The following CCDC85A variants were observed in gnomAD, a reference collection of about 807,000 sequenced individuals.
CCDC85A encodes the protein coiled-coil domain containing 85A.
In CCDC85A, 38 loss-of-function variants were observed where a neutral mutation model predicts 50.2. That is an observed-to-expected ratio of 0.76 (90% CI 0.58 to 0.99). The LOEUF (loss-of-function observed/expected upper bound fraction) is 0.99, where lower values mean the gene tolerates loss of function less well. CCDC85A is among the 50% of genes least tolerant of loss of function. CCDC85A has a pLI of 0.00. For missense variants in CCDC85A, 820 were observed against 742.0 expected (o/e 1.11, Z -1.22); for synonymous variants, 366 against 301.4 (o/e 1.21, Z -2.22).
intron 2 of CCDC85A, among the ~76,000 whole-genome samples, chr2:56,277,139 A>G (rs1670987765): frequency 6.6e-6 from 1 of 152,140 alleles, no homozygotes; most frequent in East Asian, 1.9e-4. Context: ...CAGCAGCTTA[A>G]ATGAGGAAGC....
intron 1 of CCDC85A, among the ~76,000 whole-genome samples, chr2:56,186,213 G>T (rs1676040131): frequency 6.6e-6 from 1 of 152,134 alleles, no homozygotes; most frequent in Non-Finnish European, 1.5e-5. Context: ...CTCTCCTGTG[G>T]TTGAATTCAT....
intron 2 of CCDC85A, among the ~76,000 whole-genome samples, chr2:56,297,146 G>A (rs1295117596): frequency 3.3e-5 from 5 of 152,188 alleles, no homozygotes; most frequent in South Asian, 2.1e-4. Context: ...AGAGGTGGGG[G>A]CATGTGTCTG....
At chr2:56,309,165 G>A (rs573740807) in intron 2 of CCDC85A, among the ~76,000 whole-genome samples, 3 of 152,154 alleles carry the variant, frequency 2.0e-5, no homozygotes, top group South Asian at 2.1e-4. Flanking sequence ...AAGAAGGATA[G>A]CCATCTATAG....
chr2:56,188,896 AAG>A (rs1329966184), intron 1 of CCDC85A, among the ~76,000 whole-genome samples: 2 of 152,224 alleles, frequency 1.3e-5, no homozygotes, highest in Non-Finnish European at 2.9e-5. Flanking sequence ...TATTCAAAGA[AAG>A]ACTTTTGGAA....
intron 2 of CCDC85A, among the ~76,000 whole-genome samples, chr2:56,205,445 C>T (rs1676921618): frequency 6.6e-6 from 1 of 152,136 alleles, no homozygotes; most frequent in African/African-American, 2.4e-5. Context: ...AGGGCAAAAT[C>T]TATGGCAATT....
At chr2:56,262,015 A>G (rs1368543231) in intron 2 of CCDC85A, among the ~76,000 whole-genome samples, 5 of 152,142 alleles carry the variant, frequency 3.3e-5, no homozygotes, top group East Asian at 1.9e-4. Context: ...CATTCATCCA[A>G]TAAGTAGTGA....
At chr2:56,337,946 G>A (rs992154931) in intron 2 of CCDC85A, among the ~76,000 whole-genome samples, 3 of 151,766 alleles carry the variant, frequency 2.0e-5, no homozygotes, top group African/African-American at 4.8e-5. Flanking sequence ...CACCATGCCC[G>A]GCTAATTTTT....
chr2:56,331,369 G>A (rs1472575422), intron 2 of CCDC85A, among the ~76,000 whole-genome samples: 1 of 152,094 alleles, frequency 6.6e-6, no homozygotes, highest in Non-Finnish European at 1.5e-5. Context: ...TAAGCTCCAC[G>A]TTCTGCACAT....
chr2:56,249,918 G>A (rs899134478), intron 2 of CCDC85A, among the ~76,000 whole-genome samples: 6 of 152,142 alleles, frequency 3.9e-5, no homozygotes, highest in African/African-American at 1.4e-4. Context: ...AACATTGCCA[G>A]GCCCTGCCAT....
At chr2:56,259,922 T>C (rs550000699) in intron 2 of CCDC85A, among the ~76,000 whole-genome samples, 2 of 152,318 alleles carry the variant, frequency 1.3e-5, no homozygotes, top group East Asian at 3.9e-4. Context: ...TGGATCATCT[T>C]CACCAAACTC....
intron 5 of CCDC85A, among the ~76,000 whole-genome samples, chr2:56,382,803 G>C (rs1676652047): frequency 6.6e-6 from 1 of 152,006 alleles, no homozygotes. Context: ...GTTGTAACCA[G>C]CTAGTGCTGG....
chr2:56,371,124 G>A (rs879331866), intron 3 of CCDC85A, among the ~76,000 whole-genome samples: 3 of 152,062 alleles, frequency 2.0e-5, no homozygotes, highest in Non-Finnish European at 4.4e-5. Context: ...TTGCTATGAT[G>A]AAATTATCAT....
Position 56,278,932 on chromosome 2 carries a change from G to A in CCDC85A, c.1241-63947G>A, listed in dbSNP as rs571076776. Among the ~76,000 whole-genome samples, 3 of 152,304 alleles carry A rather than the reference G, an allele frequency of 2.0e-5. No homozygotes were observed. In the East Asian group the frequency reaches 5.8e-4, roughly 29 times the overall value. On this transcript the variant is annotated intron_variant, in intron 2 of 5. Transcript: ENST00000407595. ...GGTTACTTTCTCCTTTAGTGTGTGT[G>A]TTAGGGATCAACAGGAGGCACGAGG... is the stretch of plus-strand genomic sequence containing the variant.
At chr2:56,271,886 G>A (rs1670716101) in intron 2 of CCDC85A, among the ~76,000 whole-genome samples, 1 of 152,152 alleles carries the variant, frequency 6.6e-6, no homozygotes, top group South Asian at 2.1e-4. Flanking sequence ...TGACATTGAT[G>A]AGGTAAAGGA....
At chr2:56,201,137 C>G (rs1488436108) in intron 2 of CCDC85A, among the ~76,000 whole-genome samples, 1 of 150,708 alleles carries the variant, frequency 6.6e-6, no homozygotes, top group Non-Finnish European at 1.5e-5. Flanking sequence ...TACATACACA[C>G]AGCATTTAGT....
intron 1 of CCDC85A, among the ~76,000 whole-genome samples, chr2:56,191,967 G>A (rs1676314272): frequency 6.6e-6 from 1 of 152,172 alleles, no homozygotes; most frequent in Non-Finnish European, 1.5e-5. Flanking sequence ...TCTTTCTTGA[G>A]GGTGAGGCAG....
chr2:56,246,420 T>A (rs1227741667), intron 2 of CCDC85A, among the ~76,000 whole-genome samples: 2 of 152,032 alleles, frequency 1.3e-5, no homozygotes, highest in African/African-American at 4.8e-5. Context: ...TTTGGTGTCA[T>A]ATCTAAAAAA....
chr2:56,360,209 T>A (rs1675454604), intron 3 of CCDC85A, among the ~76,000 whole-genome samples: 2 of 152,268 alleles, frequency 1.3e-5, no homozygotes, highest in African/African-American at 4.8e-5. Context: ...CAGTGACTAA[T>A]GTCAACCTAG....
rs761904484 is a variant in CCDC85A, at chr2:56,192,341, T to C, written c.277-136T>C. 5.8e-5 allele frequency: 72 copies of C among 1,239,238 alleles called. No individual in the cohort carries two copies. Among genetic ancestry groups the C allele is most frequent in the Non-Finnish European group, 7.9e-5 (71 of 898,420 alleles). 76.8% of individuals were successfully genotyped at this position (1,239,238 alleles called of 1,614,324 possible). On this transcript the variant is annotated intron_variant, in intron 1 of 5. Coordinates refer to ENST00000407595, the MANE Select transcript of CCDC85A (RefSeq NM_001080433.2). The surrounding 1 kb of genome is among the most constrained non-coding windows in gnomAD (Gnocchi z 4.7). ...TTATGGACAGCTACAAATCTTCAGC[T>C]TCCTCCTACTCCCTCACCTCCTCCC... is the stretch of plus-strand genomic sequence containing the variant.
Sources: allele counts gnomAD v4.1 joint callset (sites outside exome capture counted in the v4.1 genomes callset), GRCh38; gene constraint gnomAD v4.1.1; non-coding constraint Gnocchi (gnomAD v3.1); transcripts MANE v1.5; gene names NCBI Gene and HGNC (gene_info 2026-07-23, HGNC 2026-07-21).